PDE4B: variants seen among roughly 807,000 people sequenced by gnomAD.
PDE4B encodes 3',5'-cyclic-AMP phosphodiesterase 4B.
Under a neutral mutation model 82.2 loss-of-function variants are expected in PDE4B, and 20 were observed. That is an observed-to-expected ratio of 0.24 (90% CI 0.17 to 0.35). PDE4B has a LOEUF of 0.35. Among genes scored for constraint, PDE4B ranks in the 10% least tolerant of loss-of-function variants. The pLI is 1.00. For missense variants in PDE4B, 655 were observed against 907.2 expected, an observed-to-expected ratio of 0.72 and a Z score of 3.57; for synonymous variants, 320 against 318.9, an observed-to-expected ratio of 1.00 and a Z score of -0.04.
intron 1 of PDE4B, among the ~76,000 whole-genome samples, chr1:65,884,713 G>C (rs1327956580): frequency 6.6e-6 from 1 of 152,172 alleles, no homozygotes; most frequent in African/African-American, 2.4e-5. Context: ...ATTAATTCAA[G>C]ATGGATTAAA....
At chr1:66,021,921 G>A (rs1413990799) in intron 3 of PDE4B, among the ~76,000 whole-genome samples, 1 of 152,090 alleles carries the variant, frequency 6.6e-6, no homozygotes, top group African/African-American at 2.4e-5. Flanking sequence ...TATTTTCACA[G>A]TATTGATACT....
At chr1:66,091,243 C>T (rs191324864) in intron 3 of PDE4B, among the ~76,000 whole-genome samples, 121 of 152,146 alleles carry the variant, frequency 8.0e-4, no homozygotes, top group Admixed American at 1.4e-3. Flanking sequence ...AAGCCTACTG[C>T]GGTGATCTTC....
At chr1:66,106,789 C>G (rs1645369360) in intron 3 of PDE4B, among the ~76,000 whole-genome samples, 1 of 138,300 alleles carries the variant, frequency 7.2e-6, no homozygotes, top group South Asian at 2.4e-4. Context: ...GTGATATCCC[C>G]TTTATCATTT....
chr1:66,092,637 T>C (rs934168222), intron 3 of PDE4B, among the ~76,000 whole-genome samples: 2 of 152,014 alleles, frequency 1.3e-5, no homozygotes, highest in Non-Finnish European at 2.9e-5. Context: ...AAACACAAGA[T>C]AGATTAAGCC....
At chr1:65,875,103 A>G (rs1443116278) in intron 1 of PDE4B, among the ~76,000 whole-genome samples, 1 of 152,072 alleles carries the variant, frequency 6.6e-6, no homozygotes, top group Non-Finnish European at 1.5e-5. Flanking sequence ...CAAATGTACA[A>G]GAAAAAAACA....
chr1:66,175,522 G>T (rs1289686100), intron 3 of PDE4B, among the ~76,000 whole-genome samples: 1 of 152,136 alleles, frequency 6.6e-6, no homozygotes, highest in Non-Finnish European at 1.5e-5. Flanking sequence ...GTTAGTCCCT[G>T]ATAGATACAG....
intron 7 of PDE4B, among the ~76,000 whole-genome samples, chr1:66,287,825 T>C (rs1268958334): frequency 6.6e-6 from 1 of 151,848 alleles, no homozygotes; most frequent in African/African-American, 2.4e-5. Flanking sequence ...TTTATAAAAG[T>C]AGCTGAGCAT....
intron 1 of PDE4B, among the ~76,000 whole-genome samples, chr1:65,865,332 C>T (rs981162954): frequency 1.3e-5 from 2 of 151,428 alleles, no homozygotes; most frequent in Admixed American, 6.6e-5. Flanking sequence ...GAGTGGGACC[C>T]GCTGAGTGAG....
rs563956263 is a variant in PDE4B, at chr1:66,185,751, G to C, written c.282-61709G>C. On this transcript the variant is annotated intron_variant, in intron 3 of 16. Coordinates refer to ENST00000341517, the MANE Select transcript of PDE4B (RefSeq NM_002600.4). ...TGGATATTAGCCCTTTGTCAGATGAGTAGATTGCAAAAATTTTCTCCCATT... is the reference window on the plus strand; with the variant it reads ...TGGATATTAGCCCTTTGTCAGATGACTAGATTGCAAAAATTTTCTCCCATT... Among the ~76,000 whole-genome samples the C allele has an allele frequency of 2.0e-5, 3 of 152,192 alleles. No individual in the cohort carries two copies. The East Asian group carries it at 5.8e-4, about 29-fold the overall frequency.
At chr1:65,871,876 A>G (rs1392235834) in intron 1 of PDE4B, among the ~76,000 whole-genome samples, 1 of 152,170 alleles carries the variant, frequency 6.6e-6, no homozygotes, top group Non-Finnish European at 1.5e-5. Context: ...AATTTCACCT[A>G]AGCTTTGAAT....
intron 3 of PDE4B, among the ~76,000 whole-genome samples, chr1:66,217,325 A>G (rs1650542932): frequency 6.6e-6 from 1 of 152,154 alleles, no homozygotes; most frequent in Non-Finnish European, 1.5e-5. Flanking sequence ...AAGGATATTG[A>G]GATGCGCAAT....
chr1:65,926,427 T>G (rs1245416835), intron 3 of PDE4B, among the ~76,000 whole-genome samples: 1 of 152,178 alleles, frequency 6.6e-6, no homozygotes, highest in African/African-American at 2.4e-5. Flanking sequence ...TAGTACATTC[T>G]TAAACTGAAG....
chr1:66,122,729 G>A (rs1403068155), intron 3 of PDE4B, among the ~76,000 whole-genome samples: 14 of 112,928 alleles, frequency 1.2e-4, no homozygotes, highest in African/African-American at 4.8e-4. Context: ...TTTTGAGACA[G>A]AGTTTTCCTC....
chr1:65,829,939 A>T lies in PDE4B; in HGVS notation c.-71+36691A>T, dbSNP rs192678531. Among the ~76,000 whole-genome samples, 9 of 152,342 alleles carry T rather than the reference A, an allele frequency of 5.9e-5. No homozygotes were observed. The East Asian group carries it at 1.7e-3, about 29-fold the overall frequency. ...GCTCTTTCTGTTAAGAACTAGAGTC[A>T]GTGACACTTCAGTGGCAATGAGCAT... On this transcript the variant is annotated intron_variant, in intron 1 of 16. Coordinates refer to ENST00000341517, the MANE Select transcript of PDE4B (RefSeq NM_002600.4).
At chr1:66,230,060 G>A (rs889366389) in intron 3 of PDE4B, among the ~76,000 whole-genome samples, 1 of 152,244 alleles carries the variant, frequency 6.6e-6, no homozygotes, top group East Asian at 1.9e-4. Flanking sequence ...TTTCTAATGA[G>A]GCTGACAACA....
intron 7 of PDE4B, among the ~76,000 whole-genome samples, chr1:66,314,594 G>A (rs1272724491): frequency 1.3e-5 from 2 of 152,014 alleles, no homozygotes; most frequent in Non-Finnish European, 2.9e-5. Context: ...TGTATTTTTA[G>A]TAGAGATGGG....
chr1:65,990,090 G>A (rs17128184), intron 3 of PDE4B, among the ~76,000 whole-genome samples: 4,678 of 151,416 alleles, frequency 0.031, 236 homozygotes, highest in African/African-American at 0.11. Context: ...ACATATTTTT[G>A]TGAACATCAC....
intron 3 of PDE4B, among the ~76,000 whole-genome samples, chr1:66,145,318 G>A (rs1646248361): frequency 1.3e-5 from 2 of 152,142 alleles, no homozygotes; most frequent in African/African-American, 4.8e-5. Flanking sequence ...TACATGGATG[G>A]TTAATTAGTA....
intron 3 of PDE4B, among the ~76,000 whole-genome samples, chr1:66,126,574 C>G (rs1013687245): frequency 6.6e-6 from 1 of 152,082 alleles, no homozygotes; most frequent in Non-Finnish European, 1.5e-5. Flanking sequence ...AACCAACAAA[C>G]AGAACTGTCC....
Sources: gnomAD v4.1 joint callset for allele counts (sites outside exome capture counted in the v4.1 genomes callset) on GRCh38, gnomAD v4.1.1 for gene constraint, MANE v1.5 for transcripts, NCBI Gene and HGNC (gene_info 2026-07-23, HGNC 2026-07-21) for gene names.